The following SIM1 variants were observed in gnomAD, a reference collection of about 807,000 sequenced individuals.
SIM1 encodes the protein single-minded homolog 1.
Under a neutral mutation model 78.2 loss-of-function variants are expected in SIM1, and 18 were observed. The observed-to-expected ratio is 0.23, with a 90% CI of 0.16 to 0.34. The LOEUF (loss-of-function observed/expected upper bound fraction) is 0.34, where lower values mean the gene tolerates loss of function less well. Among genes scored for constraint, SIM1 ranks in the 10% least tolerant of loss-of-function variants. SIM1 has a pLI of 1.00. For synonymous variants in SIM1, 417 were observed against 385.2 expected (o/e 1.08, Z -0.97); for missense variants, 939 against 975.1 (o/e 0.96, Z 0.49).
At chr6:100,392,686 A>C (rs1279956443) in intron 11 of SIM1, among the ~76,000 whole-genome samples, 1 of 152,252 alleles carries the variant, frequency 6.6e-6, no homozygotes, top group Admixed American at 6.5e-5. Flanking sequence ...TTCTAAAGAC[A>C]AGAGTAGTAG....
chr6:100,436,984 C>T (rs1165454862), intron 9 of SIM1, among the ~76,000 whole-genome samples: 1 of 152,098 alleles, frequency 6.6e-6, no homozygotes, highest in African/African-American at 2.4e-5. Context: ...GATCCACCTA[C>T]CTCAGCCTCT....
chr6:100,435,605 CCAGA>C (rs1772024080), intron 9 of SIM1, among the ~76,000 whole-genome samples: 3 of 151,918 alleles, frequency 2.0e-5, no homozygotes, highest in Admixed American at 6.6e-5. Flanking sequence ...CCAGTCTCTC[CCAGA>C]CAGAGGAACA....
chr6:100,452,880 G>T, intron 3 of SIM1, among the ~76,000 whole-genome samples: 1 of 152,122 alleles, frequency 6.6e-6, no homozygotes, highest in East Asian at 1.9e-4. Flanking sequence ...AAGGTATAGG[G>T]TAGTGGTAGG....
At chr6:100,392,037 G>C (rs1418631601) in intron 11 of SIM1, among the ~76,000 whole-genome samples, 1 of 152,124 alleles carries the variant, frequency 6.6e-6, no homozygotes, top group African/African-American at 2.4e-5. Context: ...AGCTGGGCGT[G>C]GTGGCAGGCC....
intron 10 of SIM1, among the ~76,000 whole-genome samples, chr6:100,420,088 A>G (rs1008359827): frequency 6.6e-6 from 1 of 152,154 alleles, no homozygotes; most frequent in African/African-American, 2.4e-5. Context: ...GTCCTGTCCT[A>G]CTTCCTTCAG....
intron 7 of SIM1, 46 bp downstream of exon 7, chr6:100,448,433 G>T: frequency 6.3e-7 from 1 of 1,583,188 alleles, no homozygotes; most frequent in East Asian, 2.3e-5. Context: ...ACTAAGCAGG[G>T]CCGCCCTCAG....
chr6:100,425,820 A>C (rs141240856), intron 9 of SIM1, among the ~76,000 whole-genome samples: 235 of 152,314 alleles, frequency 1.5e-3, no homozygotes, highest in African/African-American at 4.9e-3. Context: ...CAGTAGAATC[A>C]TGTATTTAAT....
chr6:100,390,821 G>C lies in SIM1; in HGVS notation c.1841C>G (p.Pro614Arg). ...LCFANYQQPP[P>R]TGEVCHGSAL... ...AGAGCCATGGCAGACTTCACCTGTT[G>C]GTGGGGGCTGTTGGTAGTTTGCAAA... The change falls in exon 12 of 12, where the codon CCA becomes CGA. Residue 614 changes from proline to arginine, a missense_variant. By Grantham distance (103) the Pro-to-Arg change is moderately radical. Around this residue, in one of 5 missense-constraint regions of SIM1, gnomAD observed 556 missense variants for 521.9 expected, o/e 1.07. Coordinates refer to ENST00000369208, the MANE Select transcript of SIM1 (RefSeq NM_005068.3). 7 of 1,614,208 alleles carry C rather than the reference G, an allele frequency of 4.3e-6. No homozygotes were observed. Among genetic ancestry groups the C allele is most frequent in the Non-Finnish European group, 5.9e-6 (7 of 1,180,026 alleles).
In SIM1 at chr6:100,429,280, G is replaced by A. The variant is rs187470565; in HGVS notation, c.999-8322C>T. Among the ~76,000 whole-genome samples the A allele has an allele frequency of 2.6e-4, 40 of 151,424 alleles. No homozygotes were observed. In the East Asian group the frequency reaches 7.6e-3, roughly 29 times the overall value. On this transcript the variant is annotated intron_variant, in intron 9 of 11. Transcript: ENST00000369208. Reference sequence around the variant, plus strand: ...AGCTACTTGAGGGGCTGAGGCAGGAGAATCGCTTGAACCCAGAGGCAGAGA... The same window carrying A: ...AGCTACTTGAGGGGCTGAGGCAGGAAAATCGCTTGAACCCAGAGGCAGAGA...
At position 100,401,587 on chromosome 6, in the gene SIM1, TGA is replaced by T. The variant is rs1770917856; in HGVS notation, c.1168-7700_1168-7699del. 1.3e-5 allele frequency among the ~76,000 whole-genome samples: 2 copies of T among 151,320 alleles called. 1 individual carries two copies. Among genetic ancestry groups the T allele is most frequent in the South Asian group, 4.2e-4 (2 of 4,788 alleles). On this transcript the variant is annotated intron_variant, in intron 10 of 11. Coordinates refer to ENST00000369208, the MANE Select transcript of SIM1 (RefSeq NM_005068.3). ...ATGGTTCAAAAAAAATAAATAATAA[TGA>T]GGGCAGAGGGAAGGGAAAGAGAAAA... is the stretch of plus-strand genomic sequence containing the variant.
chr6:100,453,979 A>ATGG (rs1772582799), intron 2 of SIM1, 135 bp from the exon 3 acceptor site: 1 of 546,136 alleles, frequency 1.8e-6, no homozygotes, highest in Non-Finnish European at 3.2e-6. Flanking sequence ...CTCAAAGTGG[A>ATGG]CAGCGGGGGA....
chr6:100,443,173 A>G (rs999074317), intron 9 of SIM1, among the ~76,000 whole-genome samples: 4 of 152,078 alleles, frequency 2.6e-5, no homozygotes, highest in Admixed American at 2.6e-4. Flanking sequence ...TGTTACATAC[A>G]CTACCAATAT....
At chr6:100,447,568 A>T (rs1373867025) in intron 8 of SIM1, among the ~76,000 whole-genome samples, 153 bp from the exon 9 acceptor site, 1 of 152,226 alleles carries the variant, frequency 6.6e-6, no homozygotes. Flanking sequence ...AAATTCCCAA[A>T]GGAACTGATT....
intron 9 of SIM1, among the ~76,000 whole-genome samples, chr6:100,446,468 C>T (rs1245242801): frequency 6.6e-6 from 1 of 152,230 alleles, no homozygotes; most frequent in Non-Finnish European, 1.5e-5. Context: ...AAGGCTTCAA[C>T]CCTAAGCAAT....
At chr6:100,452,025 G>A (rs377056660) in intron 3 of SIM1, among the ~76,000 whole-genome samples, 3 of 152,218 alleles carry the variant, frequency 2.0e-5, no homozygotes, top group East Asian at 3.8e-4. Context: ...GCTGTAACAG[G>A]AGAAACAGAG....
chr6:100,413,015 A>C (rs1392135137), intron 10 of SIM1, among the ~76,000 whole-genome samples: 1 of 152,168 alleles, frequency 6.6e-6, no homozygotes, highest in Non-Finnish European at 1.5e-5. Context: ...TTCTCTCACT[A>C]TCTGCTCCCA....
At chr6:100,453,478 C>A (rs532355246) in intron 3 of SIM1, among the ~76,000 whole-genome samples, 1 of 152,134 alleles carries the variant, frequency 6.6e-6, no homozygotes, top group Non-Finnish European at 1.5e-5. Flanking sequence ...GGTGCCCCCT[C>A]CCTTGGTTAG....
chr6:100,463,150 A>G, intron 2 of SIM1, 144 bp downstream of exon 2: 1 of 669,040 alleles, frequency 1.5e-6, no homozygotes, highest in Non-Finnish European at 2.5e-6. Flanking sequence ...TGAGGACCTT[A>G]GTGAAGCAGC....
At chr6:100,431,444 G>A (rs1037228711) in intron 9 of SIM1, among the ~76,000 whole-genome samples, 1 of 152,076 alleles carries the variant, frequency 6.6e-6, no homozygotes, top group African/African-American at 2.4e-5. Flanking sequence ...AAATAAATTT[G>A]AGATTTATTT....
Sources: gnomAD v4.1 joint callset for allele counts (sites outside exome capture counted in the v4.1 genomes callset) on GRCh38, gnomAD v4.1.1 for gene constraint, gnomAD v4.1.1 regional missense constraint, MANE v1.5 for transcripts, NCBI Gene and HGNC (gene_info 2026-07-23, HGNC 2026-07-21) for gene names.